The following CASP10 variants were observed in gnomAD, a reference collection of about 807,000 sequenced individuals.
CASP10 encodes the protein caspase-10.
Under a neutral mutation model 48.5 loss-of-function variants are expected in CASP10, and 41 were observed. That is an observed-to-expected ratio of 0.85 (90% CI 0.66 to 1.10). The LOEUF (loss-of-function observed/expected upper bound fraction) is 1.10, where lower values mean the gene tolerates loss of function less well. Among genes scored for constraint, CASP10 ranks in the 50% least tolerant of loss-of-function variants. The probability of loss-of-function intolerance (pLI) is 0.00; values close to 1 mark genes in which losing one functional copy is unlikely to be tolerated. For missense variants in CASP10, 614 were observed against 614.5 expected, an observed-to-expected ratio of 1.00 and a Z score of 0.01; for synonymous variants, 232 against 238.4, an observed-to-expected ratio of 0.97 and a Z score of 0.25.
exon 10 of CASP10, chr2:201,229,065 G>T: frequency 6.2e-7 from 1 of 1,614,178 alleles, no homozygotes. Context: ...CCATGCGCAG[G>T]TGGAGCAGCG....
intron 9 of CASP10, among the ~76,000 whole-genome samples, chr2:201,227,088 AG>A (rs1236118772): frequency 4.6e-5 from 7 of 152,100 alleles, no homozygotes; most frequent in Non-Finnish European, 7.4e-5. Flanking sequence ...TTGGGGGGAC[AG>A]GGGGGAACAT....
chr2:201,229,018 C>G (rs761471772), exon 10 of CASP10: 1 of 1,614,206 alleles, frequency 6.2e-7, no homozygotes, highest in Admixed American at 1.7e-5. Flanking sequence ...AGCAACCTCC[C>G]TGCCCACGGC....
chr2:201,200,346 T>C, intron 5 of CASP10: 1 of 1,121,392 alleles, frequency 8.9e-7, no homozygotes, highest in Non-Finnish European at 1.3e-6. Context: ...ACTATGTTGG[T>C]TGTAAAACAA....
intron 5 of CASP10, among the ~76,000 whole-genome samples, chr2:201,198,730 C>T (rs1040088896): frequency 4.0e-5 from 6 of 150,936 alleles, no homozygotes; most frequent in Admixed American, 6.6e-5. Flanking sequence ...TTAGTAGAGA[C>T]GGGGTTTCAC....
At chr2:201,214,032 G>A (rs1336636600) in intron 9 of CASP10, 1 of 152,156 alleles carries the variant, frequency 6.6e-6, no homozygotes, top group Non-Finnish European at 1.5e-5. Context: ...GGTGAAGTCA[G>A]TATAGGGGTA....
intron 2 of CASP10, among the ~76,000 whole-genome samples, chr2:201,187,103 C>T (rs145412814): frequency 8.7e-4 from 132 of 152,278 alleles, no homozygotes; most frequent in African/African-American, 2.7e-3. Context: ...TAAGCCTTAG[C>T]GGTGGAACTG....
intron 8 of CASP10, chr2:201,208,395 A>G (rs1945280166): frequency 1.6e-5 from 16 of 985,104 alleles, no homozygotes; most frequent in Non-Finnish European, 1.9e-5. Flanking sequence ...AGAGGAGAGC[A>G]TGTACTGGGG....
chr2:201,187,654 G>T, intron 2 of CASP10, 52 bp from the exon 3 acceptor site: 3 of 1,238,232 alleles, frequency 2.4e-6, no homozygotes, highest in Non-Finnish European at 3.6e-6. Flanking sequence ...ATTGATTATG[G>T]TGTCCTCCAC....
chr2:201,218,474 A>T lies in CASP10; in HGVS notation c.*733A>T, dbSNP rs1019052979. Reference sequence around the variant, plus strand: ...TGTGTCCATGCACAGCTAACTTTTTATTTTTTTTGTGGAGATGGGGTTTCA... The same window carrying T: ...TGTGTCCATGCACAGCTAACTTTTTTTTTTTTTTGTGGAGATGGGGTTTCA... On this transcript the variant is annotated 3_prime_UTR_variant, in exon 10 of 10. Coordinates refer to ENST00000286186, the MANE Select transcript of CASP10 (RefSeq NM_032977.4). 32 of 694,546 alleles carry T rather than the reference A, an allele frequency of 4.6e-5. No individual in the cohort carries two copies. Among genetic ancestry groups the T allele is most frequent in the East Asian group, 1.4e-4 (1 of 7,328 alleles). The allele number at this position is 694,546 out of a possible 1,614,324, so 43.0% of individuals were successfully genotyped here. A position where few individuals can be genotyped will look rare whatever the true frequency, so the allele number is the denominator to read the frequency against.
At chr2:201,217,159 A>G (rs1225680526) in intron 9 of CASP10, among the ~76,000 whole-genome samples, 1 of 152,166 alleles carries the variant, frequency 6.6e-6, no homozygotes, top group Non-Finnish European at 1.5e-5. Flanking sequence ...TAGAGAGGGC[A>G]TTGTTGGTAT....
intron 5 of CASP10, among the ~76,000 whole-genome samples, chr2:201,197,067 C>A (rs1466123361): frequency 1.3e-5 from 2 of 152,062 alleles, no homozygotes; most frequent in Non-Finnish European, 2.9e-5. Context: ...TACAGTAAGT[C>A]CTCACTTAAA....
intron 7 of CASP10, among the ~76,000 whole-genome samples, chr2:201,206,598 GTA>G (rs112932298): frequency 3.4e-5 from 5 of 145,406 alleles, no homozygotes; most frequent in Non-Finnish European, 6.0e-5. Flanking sequence ...TATATTAAGT[GTA>G]TATATATATA....
chr2:201,193,180 A>G, intron 4 of CASP10, 61 bp downstream of exon 4: 1 of 1,517,320 alleles, frequency 6.6e-7, no homozygotes, highest in Non-Finnish European at 9.1e-7. Context: ...CCAATTGGCC[A>G]TGCATGATGT....
intron 7 of CASP10, among the ~76,000 whole-genome samples, chr2:201,207,671 C>T (rs548827587): frequency 3.9e-5 from 6 of 151,906 alleles, no homozygotes; most frequent in African/African-American, 1.2e-4. Context: ...GCAGAAGACT[C>T]GCTTGAACCC....
intron 9 of CASP10, among the ~76,000 whole-genome samples, 196 bp downstream of exon 9, chr2:201,209,758 C>G (rs1271269258): frequency 6.6e-6 from 1 of 152,082 alleles, no homozygotes; most frequent in Admixed American, 6.5e-5. Context: ...CATCTATCCA[C>G]CCATTCATCT....
chr2:201,203,728 A>T lies in CASP10; in HGVS notation c.685-2A>T. 1 of 1,613,476 alleles carries T rather than the reference A, an allele frequency of 6.2e-7. No individual in the cohort carries two copies. Among genetic ancestry groups the T allele is most frequent in the Non-Finnish European group, 8.5e-7 (1 of 1,179,500 alleles). ...TTCATGCCCTCCTTTCTTTTTTCTC[A>T]GCAGGAGTCCTGGCAAAATAAGCAT... On this transcript the variant is annotated splice_acceptor_variant, in intron 5 of 9. Coordinates refer to ENST00000286186, the MANE Select transcript of CASP10 (RefSeq NM_032977.4). LOFTEE classifies it high-confidence loss of function.
intron 9 of CASP10, among the ~76,000 whole-genome samples, chr2:201,216,240 G>T (rs1452872300): frequency 6.6e-6 from 1 of 151,580 alleles, no homozygotes; most frequent in East Asian, 1.9e-4. Flanking sequence ...GTGGTGGCAT[G>T]CACCTGTAGT....
rs111517937 is a variant in CASP10 at position 201,205,401 on chromosome 2, AT to A, written c.722-471del. Among the ~76,000 whole-genome samples, 672 of 145,576 alleles carry A rather than the reference AT, an allele frequency of 4.6e-3. 3 individuals are homozygous for A. Among genetic ancestry groups the A allele is most frequent in the African/African-American group, 0.015 (602 of 39,662 alleles). ...TCACCATGCCCAGCTAATTTTTTGT[AT>A]TTTTTTTTTCTAGAGATGGGGTCTC... is the stretch of plus-strand genomic sequence containing the variant. On this transcript the variant is annotated intron_variant, in intron 6 of 9. Coordinates refer to ENST00000286186, the MANE Select transcript of CASP10 (RefSeq NM_032977.4).
chr2:201,218,807 C>T lies in CASP10; in HGVS notation c.*1066C>T, dbSNP rs1376685829. On this transcript the variant is annotated 3_prime_UTR_variant, in exon 10 of 10. Transcript: ENST00000286186. ...TTCCTAAGACTTCTCTTTTGCACAT[C>T]TAGTGAGGTGAAAATTTGGTCTATG... 1 of 985,350 alleles carries T rather than the reference C, an allele frequency of 1.0e-6. No homozygotes were observed. The allele number at this position is 985,350 out of a possible 1,614,324, so 61.0% of individuals were successfully genotyped here.
Sources: gnomAD v4.1 joint callset for allele counts (sites outside exome capture counted in the v4.1 genomes callset) on GRCh38, gnomAD v4.1.1 for gene constraint, MANE v1.5 for transcripts, NCBI Gene and HGNC (gene_info 2026-07-23, HGNC 2026-07-21) for gene names.